CUX1: variants seen among roughly 807,000 people sequenced by gnomAD.
CUX1 encodes the protein cut like homeobox 1, also known as protein CASP.
CUX1 carries 31 observed loss-of-function variants against 158.8 expected under a neutral mutation model. That is an observed-to-expected ratio of 0.20 (90% CI 0.15 to 0.26). The LOEUF is 0.26. Ranked by LOEUF, CUX1 falls within the 10% of genes least tolerant of loss-of-function variation. CUX1 has a pLI of 1.00. For synonymous variants in CUX1, 879 were observed against 862.1 expected (o/e 1.02, Z -0.34); for missense variants, 1,589 against 2,014.6 (o/e 0.79, Z 4.04).
chr7:101,876,351 A>AT (rs1386897515), intron 1 of CUX1, among the ~76,000 whole-genome samples: 2 of 150,812 alleles, frequency 1.3e-5, no homozygotes, highest in Non-Finnish European at 2.9e-5. Context: ...ACAAAAAAAA[A>AT]ACCTGATTTG....
chr7:102,147,920 G>C (rs1485257727), intron 8 of CUX1, among the ~76,000 whole-genome samples: 2 of 152,106 alleles, frequency 1.3e-5, no homozygotes, highest in African/African-American at 4.8e-5. Context: ...AGGTTACAGT[G>C]AACCGAGATC....
chr7:102,171,173 G>A (rs1319250105), intron 10 of CUX1, among the ~76,000 whole-genome samples: 1 of 152,084 alleles, frequency 6.6e-6, no homozygotes, highest in Non-Finnish European at 1.5e-5. Flanking sequence ...TGCTGTATAG[G>A]GACAAGGAAC....
Position 102,252,743 on chromosome 7 carries a change from A to G in CUX1, c.*3701A>G. ...CTTCTGTCCTCCTCCCCAACCCCCG[A>G]GCTCCCTGGTAACCTCCTCTTGAAC... is the stretch of plus-strand genomic sequence containing the variant. On this transcript the variant is annotated 3_prime_UTR_variant, in exon 24 of 24. Coordinates refer to ENST00000292535, the MANE Select transcript of CUX1 (RefSeq NM_181552.4). The G allele has an allele frequency of 1.0e-6, 1 of 985,396 alleles. No individual in the cohort carries two copies. Among genetic ancestry groups the G allele is most frequent in the Non-Finnish European group, 1.2e-6 (1 of 829,986 alleles). 61.0% of individuals were successfully genotyped at this position (985,396 alleles called of 1,614,324 possible). A position where few individuals can be genotyped will look rare whatever the true frequency, so the allele number is the denominator to read the frequency against.
intron 1 of CUX1, among the ~76,000 whole-genome samples, chr7:101,851,837 T>TC (rs2131274013): frequency 1.3e-5 from 2 of 151,286 alleles, no homozygotes; most frequent in African/African-American, 4.9e-5. Flanking sequence ...CTCTTTTTTT[T>TC]TTTTCTTTTG....
chr7:101,954,033 T>G (rs1280041470), intron 2 of CUX1, among the ~76,000 whole-genome samples: 1 of 152,106 alleles, frequency 6.6e-6, no homozygotes, highest in Non-Finnish European at 1.5e-5. Context: ...CAAAAAAAAT[T>G]TTTTTAAGTC....
chr7:102,221,476 G>A (rs1189608419), intron 20 of CUX1, among the ~76,000 whole-genome samples: 5 of 152,152 alleles, frequency 3.3e-5, no homozygotes, highest in East Asian at 1.9e-4. Context: ...ATAGAGGGCC[G>A]GGTATGGAAA....
chr7:102,056,469 C>CAG (rs1357499373), intron 3 of CUX1, among the ~76,000 whole-genome samples: 1 of 152,164 alleles, frequency 6.6e-6, no homozygotes, highest in African/African-American at 2.4e-5. Context: ...TCTGCCTGTG[C>CAG]ACTAGAAATG....
chr7:102,249,065 CAGCCAGGCTGGGCCGCA>C lies in CUX1; in HGVS notation c.*26_*42del. On this transcript the variant is annotated 3_prime_UTR_variant, in exon 24 of 24. Coordinates refer to ENST00000292535, the MANE Select transcript of CUX1 (RefSeq NM_181552.4). Reference sequence around the variant, plus strand: ...TGAGGGGCCGCGGCCCTGGGGCGGGCAGCCAGGCTGGGCCGCAAGGGCCTGGACGGGGTCGGACGGGG... The same window carrying C: ...TGAGGGGCCGCGGCCCTGGGGCGGGCAGGGCCTGGACGGGGTCGGACGGGG... 7.9e-7 allele frequency: 1 copy of C among 1,266,786 alleles called. No individual in the cohort carries two copies. The highest frequency in any genetic ancestry group is 1.0e-6 in the Non-Finnish European group (1 of 998,380). The allele number at this position is 1,266,786 out of a possible 1,614,324, so 78.5% of individuals were successfully genotyped here. A position where few individuals can be genotyped will look rare whatever the true frequency, so the allele number is the denominator to read the frequency against.
At chr7:102,010,550 A>C (rs1372967594) in intron 2 of CUX1, among the ~76,000 whole-genome samples, 1 of 152,166 alleles carries the variant, frequency 6.6e-6, no homozygotes, top group Admixed American at 6.5e-5. Context: ...TGTGATGTAC[A>C]TACCTGTAGC....
intron 16 of CUX1, 62 bp from the exon 17 acceptor site, chr7:102,200,009 C>A: frequency 1.4e-6 from 2 of 1,415,558 alleles, no homozygotes; most frequent in Non-Finnish European, 2.0e-6. Context: ...GACGTCTTCG[C>A]GCAGCGCTGA....
chr7:101,956,786 C>T (rs1331935511), intron 2 of CUX1, among the ~76,000 whole-genome samples: 2 of 152,158 alleles, frequency 1.3e-5, no homozygotes, highest in Non-Finnish European at 2.9e-5. Flanking sequence ...TGTCTCTACA[C>T]AAAATACAAA....
chr7:101,835,949 G>A (rs1794576268), intron 1 of CUX1, among the ~76,000 whole-genome samples: 1 of 152,136 alleles, frequency 6.6e-6, no homozygotes, highest in African/African-American at 2.4e-5. Flanking sequence ...AGCTGGTCTC[G>A]AATTCCTGAC....
rs1416991883 is a variant in CUX1 at position 102,250,463 on chromosome 7, C to T, written c.*1421C>T. The T allele has an allele frequency of 1.0e-6, 1 of 985,382 alleles. No individual in the cohort carries two copies. The highest frequency in any genetic ancestry group is 1.1e-4 in the East Asian group (1 of 8,830). 61.0% of individuals were successfully genotyped at this position (985,382 alleles called of 1,614,324 possible). ...GGCAGGGCTTACACGCGCACTCTCT[C>T]TCTTCTTTCCCTTTTTCTTCCCACC... On this transcript the variant is annotated 3_prime_UTR_variant, in exon 24 of 24. Transcript: ENST00000292535.
At chr7:101,975,293 T>G (rs1358510004) in intron 2 of CUX1, among the ~76,000 whole-genome samples, 1 of 151,256 alleles carries the variant, frequency 6.6e-6, no homozygotes, top group Admixed American at 6.6e-5. Flanking sequence ...AAGAAAAGGC[T>G]CACGCCTGTA....
chr7:101,966,562 G>T (rs557114399), intron 2 of CUX1, among the ~76,000 whole-genome samples: 149 of 152,226 alleles, frequency 9.8e-4, no homozygotes, highest in African/African-American at 3.5e-3. Context: ...ATTTTTCTGG[G>T]AAAGTGGGAA....
At chr7:102,164,928 AC>A (rs1345564899) in intron 9 of CUX1, among the ~76,000 whole-genome samples, 1 of 139,650 alleles carries the variant, frequency 7.2e-6, no homozygotes, top group Non-Finnish European at 1.6e-5. Context: ...ATCAGAGAAA[AC>A]CCCCCTCCCC....
chr7:101,851,379 C>G (rs1185099282), intron 1 of CUX1, among the ~76,000 whole-genome samples: 1 of 152,114 alleles, frequency 6.6e-6, no homozygotes, highest in Non-Finnish European at 1.5e-5. Flanking sequence ...CATTCCTCAT[C>G]ATCTCGGGGG....
intron 2 of CUX1, among the ~76,000 whole-genome samples, chr7:102,017,545 T>A (rs1818770770): frequency 6.6e-6 from 1 of 152,108 alleles, no homozygotes; most frequent in South Asian, 2.1e-4. Context: ...GGTTTTTGAA[T>A]AAATTAAAAT....
chr7:101,833,235 T>C (rs1794253686), intron 1 of CUX1, among the ~76,000 whole-genome samples: 1 of 146,164 alleles, frequency 6.8e-6, no homozygotes, highest in South Asian at 2.2e-4. Context: ...ACCCCATCTC[T>C]ACAGAAAAAA....
Sources: allele counts gnomAD v4.1 joint callset (sites outside exome capture counted in the v4.1 genomes callset), GRCh38; gene constraint gnomAD v4.1.1; transcripts MANE v1.5; gene names NCBI Gene and HGNC (gene_info 2026-07-23, HGNC 2026-07-21).